The following DENND1B variants were observed in gnomAD, a reference collection of about 807,000 sequenced individuals.
DENND1B encodes the protein DENN domain-containing protein 1B.
Under a neutral mutation model 90.1 loss-of-function variants are expected in DENND1B, and 59 were observed. The ratio of observed to expected loss-of-function variants is 0.65; its 90% CI spans 0.53 to 0.81. DENND1B has a LOEUF of 0.81. DENND1B is among the 40% of genes least tolerant of loss of function. The pLI is 0.00. For missense variants in DENND1B, 862 were observed against 912.6 expected, an observed-to-expected ratio of 0.94 and a Z score of 0.71; for synonymous variants, 337 against 324.6, an observed-to-expected ratio of 1.04 and a Z score of -0.41.
At chr1:197,594,729 C>G (rs1471679505) in intron 14 of DENND1B, among the ~76,000 whole-genome samples, 1 of 152,034 alleles carries the variant, frequency 6.6e-6, no homozygotes, top group Non-Finnish European at 1.5e-5. Flanking sequence ...AAGAGATAAA[C>G]CCACCTTAGC....
At chr1:197,600,443 A>C (rs1287183187) in intron 13 of DENND1B, among the ~76,000 whole-genome samples, 1 of 151,738 alleles carries the variant, frequency 6.6e-6, no homozygotes, top group Non-Finnish European at 1.5e-5. Context: ...CCTAAAAGGG[A>C]TATGAATACC....
At chr1:197,599,488 C>T (rs895670267) in intron 13 of DENND1B, among the ~76,000 whole-genome samples, 1 of 151,778 alleles carries the variant, frequency 6.6e-6, no homozygotes, top group African/African-American at 2.4e-5. Context: ...TATTTCCTTT[C>T]ATATAACTAA....
chr1:197,653,552 G>A (rs1224927866), intron 6 of DENND1B, among the ~76,000 whole-genome samples: 1 of 151,938 alleles, frequency 6.6e-6, no homozygotes, highest in Non-Finnish European at 1.5e-5. Context: ...AATTAGAAAT[G>A]AACAGAAAAA....
intron 3 of DENND1B, among the ~76,000 whole-genome samples, chr1:197,707,178 A>C (rs1659626124): frequency 6.6e-6 from 1 of 152,218 alleles, no homozygotes. Context: ...CAGATGTCTC[A>C]TGTTCTCACT....
chr1:197,519,963 T>C (rs1042965301), intron 20 of DENND1B, among the ~76,000 whole-genome samples: 1 of 151,468 alleles, frequency 6.6e-6, no homozygotes, highest in Non-Finnish European at 1.5e-5. Context: ...GGGATTATAA[T>C]AGTAAGGTGG....
At chr1:197,544,768 GGAC>G (rs1431948101) in intron 18 of DENND1B, among the ~76,000 whole-genome samples, 1 of 125,178 alleles carries the variant, frequency 8.0e-6, no homozygotes, top group Non-Finnish European at 1.7e-5. Flanking sequence ...AAGAGGAAGA[GGAC>G]GAGGAGGAGG....
chr1:197,700,913 T>C (rs1658959423), intron 3 of DENND1B, among the ~76,000 whole-genome samples: 1 of 152,116 alleles, frequency 6.6e-6, no homozygotes, highest in Non-Finnish European at 1.5e-5. Context: ...AGCATGGTAA[T>C]TATTAAAAAG....
intron 11 of DENND1B, among the ~76,000 whole-genome samples, chr1:197,614,548 C>T (rs1024154177): frequency 2.0e-5 from 3 of 150,932 alleles, no homozygotes; most frequent in African/African-American, 7.3e-5. Flanking sequence ...TGTCCTAAAT[C>T]TTTCTTTCAA....
intron 15 of DENND1B, among the ~76,000 whole-genome samples, chr1:197,573,351 G>A (rs1022616136): frequency 1.1e-4 from 16 of 152,050 alleles, no homozygotes; most frequent in African/African-American, 3.9e-4. Flanking sequence ...CTTTGTTCTC[G>A]TTGGTTTCAA....
intron 15 of DENND1B, among the ~76,000 whole-genome samples, chr1:197,582,666 A>G (rs1442635364): frequency 6.6e-6 from 1 of 152,186 alleles, no homozygotes; most frequent in Non-Finnish European, 1.5e-5. Context: ...AAATCAGGAC[A>G]AACAGCATAA....
chr1:197,676,258 T>TA (rs549360678), intron 3 of DENND1B, among the ~76,000 whole-genome samples: 1 of 151,936 alleles, frequency 6.6e-6, no homozygotes, highest in Non-Finnish European at 1.5e-5. Flanking sequence ...AACTGAAGTG[T>TA]AAAAAGAAAA....
At chr1:197,707,538 T>C (rs1411491617) in intron 3 of DENND1B, among the ~76,000 whole-genome samples, 1 of 149,274 alleles carries the variant, frequency 6.7e-6, no homozygotes, top group Non-Finnish European at 1.5e-5. Context: ...ATGTATAATA[T>C]CTATATCATT....
chr1:197,725,945 G>T (rs1244157259), intron 2 of DENND1B, among the ~76,000 whole-genome samples: 1 of 151,598 alleles, frequency 6.6e-6, no homozygotes, highest in Admixed American at 6.6e-5. Flanking sequence ...AACCTCTTAG[G>T]AAAAGAACTT....
At chr1:197,743,270 A>C (rs1775442) in intron 2 of DENND1B, among the ~76,000 whole-genome samples, 125,219 of 152,146 alleles carry the variant, frequency 0.82, 52,141 homozygotes, top group African/African-American at 0.95. Context: ...TTCCAGATCA[A>C]CTCAATAAAA....
At chr1:197,675,293 T>TA (rs1655941837) in intron 3 of DENND1B, among the ~76,000 whole-genome samples, 2 of 152,118 alleles carry the variant, frequency 1.3e-5, no homozygotes, top group Non-Finnish European at 2.9e-5. Context: ...GCATTGAGTG[T>TA]TTTAAAGTAG....
At chr1:197,624,349 G>A (rs1384462251) in intron 10 of DENND1B, among the ~76,000 whole-genome samples, 1 of 151,596 alleles carries the variant, frequency 6.6e-6, no homozygotes, top group Non-Finnish European at 1.5e-5. Flanking sequence ...AATGGTGCTG[G>A]AAGAAGTGGA....
intron 2 of DENND1B, among the ~76,000 whole-genome samples, chr1:197,770,673 T>C (rs1055863162): frequency 3.5e-5 from 5 of 144,578 alleles, no homozygotes; most frequent in Non-Finnish European, 7.6e-5. Flanking sequence ...TATATATCTA[T>C]AAATATACAT....
At chr1:197,575,301 C>A (rs1408680662) in intron 15 of DENND1B, among the ~76,000 whole-genome samples, 2 of 151,838 alleles carry the variant, frequency 1.3e-5, no homozygotes, top group Non-Finnish European at 2.9e-5. Context: ...TCTCAAAAGA[C>A]ATTTATGCTG....
chr1:197,564,180 A>AT (rs2125711003), intron 15 of DENND1B, among the ~76,000 whole-genome samples: 1 of 152,008 alleles, frequency 6.6e-6, no homozygotes, highest in South Asian at 2.1e-4. Flanking sequence ...GTTTGAGAAG[A>AT]TTGACTCCAA....
Sources: allele counts gnomAD v4.1 joint callset (sites outside exome capture counted in the v4.1 genomes callset), GRCh38; gene constraint gnomAD v4.1.1; transcripts MANE v1.5; gene names NCBI Gene and HGNC (gene_info 2026-07-23, HGNC 2026-07-21).